Variants in SETD1B observed in about 807,000 individuals in gnomAD.
The protein encoded by SETD1B is histone-lysine N-methyltransferase SETD1B.
Under a neutral mutation model 148.0 loss-of-function variants are expected in SETD1B, and 7 were observed. The observed-to-expected ratio is 0.05, with a 90% confidence interval of 0.03 to 0.09. SETD1B has a LOEUF of 0.09. Among genes scored for constraint, SETD1B ranks in the 10% least tolerant of loss-of-function variants. SETD1B has a pLI of 1.00. For synonymous variants in SETD1B, 1,361 were observed against 1,186.5 expected (o/e 1.15, Z -3.02); for missense variants, 2,155 against 2,729.9 (o/e 0.79, Z 4.69).
At chr12:121,820,579 G>T (rs958133177) in intron 11 of SETD1B, among the ~76,000 whole-genome samples, 4 of 152,056 alleles carry the variant, frequency 2.6e-5, no homozygotes, top group Admixed American at 2.0e-4. Flanking sequence ...TGTCACCCAG[G>T]CTGGAGTGCA....
chr12:121,793,095 G>A, the SETD1B span: 7 of 1,454,652 alleles, frequency 4.8e-6, no homozygotes, highest in Admixed American at 2.0e-5. Context: ...ACGCCCGGGA[G>A]GGGAAACCCT....
chr12:121,796,966 G>A, the SETD1B span, among the ~76,000 whole-genome samples: 3 of 152,196 alleles, frequency 2.0e-5, no homozygotes, highest in South Asian at 2.1e-4. Context: ...GAACCCTGGA[G>A]GCGGAGGTTG....
chr12:121,793,204 G>A, the SETD1B span: 2 of 1,550,942 alleles, frequency 1.3e-6, no homozygotes, highest in South Asian at 2.4e-5. Flanking sequence ...CGGTCACGCT[G>A]GCCGTGTACT....
chr12:121,814,956 C>T, intron 7 of SETD1B, 26 bp downstream of exon 7: 2 of 1,512,878 alleles, frequency 1.3e-6, no homozygotes, highest in East Asian at 5.0e-5. Context: ...CAGGGCTCTG[C>T]AGGGTGGCTG....
At chr12:121,799,732 GGGGT>G (rs1875225694), upstream of SETD1B, 8 of 53,938 alleles carry the variant, frequency 1.5e-4, no homozygotes, top group South Asian at 6.8e-4. Context: ...GGGGGGGGGT[GGGGT>G]GGGGCGGGGC....
chr12:121,825,819 T>C (rs1235959748), intron 13 of SETD1B, among the ~76,000 whole-genome samples: 1 of 152,038 alleles, frequency 6.6e-6, no homozygotes, highest in Non-Finnish European at 1.5e-5. Context: ...TAATTTTTTG[T>C]ATTTTTAGTA....
At chr12:121,816,385 G>A (rs1020526471) in intron 7 of SETD1B, among the ~76,000 whole-genome samples, 2 of 151,984 alleles carry the variant, frequency 1.3e-5, no homozygotes, top group African/African-American at 2.4e-5. Context: ...TTTGTCATCC[G>A]TTTAACTGGG....
Position 121,804,093 on chromosome 12 carries a change from G to A in SETD1B, c.-155G>A, listed in dbSNP as rs934760415. On this transcript the variant is annotated 5_prime_UTR_variant, in exon 1 of 17. Transcript: ENST00000604567. The surrounding 1 kb of genome is among the most constrained non-coding windows in gnomAD (Gnocchi z 4.6). ...AGCAGCAGCAGCAGCGGCGGCGGCA[G>A]CGGCAGCAGCTCCGGGCCCGGCAGC... 6.5e-6 allele frequency: 1 copy of A among 153,222 alleles called. No homozygotes were observed. Among genetic ancestry groups the A allele is most frequent in the Admixed American group, 6.6e-5 (1 of 15,134 alleles). 9.5% of individuals were successfully genotyped at this position (153,222 alleles called of 1,614,324 possible).
Position 121,825,227 on chromosome 12 carries a change from A to C in SETD1B, c.5198A>C (p.Lys1733Thr), listed in dbSNP as rs779728321. ...PSTSLSSAKK[K>T]KRDDGIREHV... ...ACCAGCCTCTCTTCAGCTAAGAAGA[A>C]GAAACGGGACGATGGCATCCGCGAG... Residue 1733 changes from lysine (K) to threonine (T), a missense_variant, in exon 13 of 17, where the codon AAG becomes ACG. Lys to Thr is a moderately conservative substitution (Grantham distance 78, BLOSUM62 -1). This residue lies in a region of SETD1B where 96 missense variants were observed against 148.7 expected (regional missense o/e 0.65). Coordinates refer to ENST00000604567, the MANE Select transcript of SETD1B (RefSeq NM_001353345.2). 1 of 1,551,724 alleles carries C rather than the reference A, an allele frequency of 6.4e-7. No homozygotes were observed. The highest frequency in any genetic ancestry group is 1.2e-5 in the South Asian group (1 of 84,066).
intron 4 of SETD1B, among the ~76,000 whole-genome samples, chr12:121,806,932 A>T (rs536954567): frequency 6.1e-4 from 93 of 152,170 alleles, no homozygotes; most frequent in South Asian, 2.5e-3. Context: ...CCTATAAAAG[A>T]AGGTGCCGAG....
At chr12:121,801,338 G>T (rs1875352164), upstream of SETD1B, 1 of 152,254 alleles carries the variant, frequency 6.6e-6, no homozygotes, top group Non-Finnish European at 1.5e-5. Context: ...CGGCTCCATG[G>T]ACCCCCGAGG....
intron 13 of SETD1B, among the ~76,000 whole-genome samples, chr12:121,826,986 G>A (rs1371598252): frequency 6.6e-6 from 1 of 152,048 alleles, no homozygotes; most frequent in Non-Finnish European, 1.5e-5. Context: ...ATGTGGGTAT[G>A]GCGGAGCTTA....
chr12:121,814,056 C>T, intron 6 of SETD1B, 50 bp from the exon 7 acceptor site: 1 of 1,460,590 alleles, frequency 6.8e-7, no homozygotes, highest in Non-Finnish European at 9.3e-7. Context: ...CTCCGAGAGC[C>T]CCTTGGCCTT....
the SETD1B span, chr12:121,797,670 A>G: frequency 2.2e-6 from 1 of 452,646 alleles, no homozygotes; most frequent in Admixed American, 2.4e-5. Flanking sequence ...TCAATTACTT[A>G]ATTATCCAAA....
In SETD1B at chr12:121,832,312, C is replaced by T. The variant is rs575327066; in HGVS notation, c.*2073C>T. 1.5e-4 allele frequency: 23 copies of T among 153,444 alleles called. No individual in the cohort carries two copies. Among genetic ancestry groups the T allele is most frequent in the African/African-American group, 4.3e-4 (18 of 41,562 alleles). The allele number at this position is 153,444 out of a possible 1,614,324, so 9.5% of individuals were successfully genotyped here. A position where few individuals can be genotyped will look rare whatever the true frequency, so the allele number is the denominator to read the frequency against. ...ACTAGACCTCCCTCTCCCCAGGAGC[C>T]CCAGCCCCAGAGTGGTTTGCAATAA... is the stretch of plus-strand genomic sequence containing the variant. On this transcript the variant is annotated 3_prime_UTR_variant, in exon 17 of 17. Coordinates refer to ENST00000604567, the MANE Select transcript of SETD1B (RefSeq NM_001353345.2).
Position 121,817,590 on chromosome 12 carries a change from CAAG to C in SETD1B, c.3199_3201del (p.Lys1067del), listed in dbSNP as rs756840436. 440 of 1,551,260 alleles carry C rather than the reference CAAG, an allele frequency of 2.8e-4. 1 individual carries two copies. The highest frequency in any genetic ancestry group is 6.3e-4 in the South Asian group (53 of 84,058). On this transcript the variant is annotated inframe_deletion, in exon 9 of 17. Transcript: ENST00000604567. The surrounding 1 kb of genome is among the most constrained non-coding windows in gnomAD (Gnocchi z 8.1). ...CCTCACCCTCGTCCTCGGCCTCCGA[CAAG>C]GAGGAGGAACAGGAGAGCACCGAGG...
Position 121,810,730 on chromosome 12 carries a change from A to C in SETD1B, c.1785A>C (p.Pro595=). The C allele has an allele frequency of 6.4e-7, 1 of 1,551,160 alleles. No homozygotes were observed. The highest frequency in any genetic ancestry group is 1.2e-5 in the South Asian group (1 of 84,000). The part of the protein sequence containing the change: ...ELDLGLGPRP[P]PEPGPPDPAG... ...ACCTGGGCCTTGGGCCTCGGCCTCC[A>C]CCTGAGCCAGGCCCCCCGGACCCTG... is the stretch of plus-strand genomic sequence containing the variant. The change falls in exon 6 of 17, where the codon CCA becomes CCC. Residue 595 remains proline (P), a synonymous_variant. Transcript: ENST00000604567. The surrounding 1 kb of genome is among the most constrained non-coding windows in gnomAD (Gnocchi z 7.6).
chr12:121,814,151 A>G lies in SETD1B; in HGVS notation c.1936A>G (p.Met646Val). 1 of 1,548,004 alleles carries G rather than the reference A, an allele frequency of 6.5e-7. No homozygotes were observed. Among genetic ancestry groups the G allele is most frequent in the Non-Finnish European group, 8.7e-7 (1 of 1,146,444 alleles). The change falls in exon 7 of 17, where the codon ATG (methionine) becomes GTG (valine). Residue 646 changes from methionine to valine, a missense_variant. This residue lies in a region of SETD1B where 295 missense variants were observed against 303.8 expected (regional missense o/e 0.97). Coordinates refer to ENST00000604567, the MANE Select transcript of SETD1B (RefSeq NM_001353345.2). The part of the protein sequence containing the change: ...GEDMEISDDE[M>V]PSAPITSADC... ...GGACATGGAGATCTCGGATGACGAG[A>G]TGCCCTCGGCCCCCATCACCAGCGC...
In SETD1B at chr12:121,817,174, C is replaced by T; in HGVS notation, c.2857C>T (p.Leu953=). 1.9e-6 allele frequency: 3 copies of T among 1,549,784 alleles called. No homozygotes were observed. Among genetic ancestry groups the T allele is most frequent in the Non-Finnish European group, 2.6e-6 (3 of 1,146,912 alleles). Residue 953 remains leucine, a synonymous_variant, in exon 8 of 17, where the codon CTG becomes TTG. Transcript: ENST00000604567. This position sits in a 1 kb window ranked among gnomAD's most constrained non-coding sequence, Gnocchi z 8.1. The stretch of plus-strand genomic sequence containing the variant: ...CGAGGGCCTGGGCCTGGGCATTGGG[C>T]TGCGTGGGGCCATTCGCCTGCCCTC... The part of the protein sequence containing the change: ...GYEGLGLGIG[L]RGAIRLPSFK...
Sources: gnomAD v4.1 joint callset for allele counts (sites outside exome capture counted in the v4.1 genomes callset) on GRCh38, gnomAD v4.1.1 for gene constraint, gnomAD v4.1.1 regional missense constraint, Gnocchi (gnomAD v3.1) non-coding constraint, MANE v1.5 for transcripts, NCBI Gene and HGNC (gene_info 2026-07-23, HGNC 2026-07-21) for gene names.